Variants in FMNL2 observed in about 807,000 individuals in gnomAD.
The protein encoded by FMNL2 is formin like 2, also known as formin-like protein 2.
A neutral mutation model predicts 130.2 loss-of-function variants in FMNL2; 51 were observed. The ratio of observed to expected loss-of-function variants is 0.39; its 90% CI spans 0.31 to 0.49. FMNL2 has a LOEUF of 0.49. FMNL2 is among the 20% of genes least tolerant of loss of function. The pLI is 0.85. For synonymous variants in FMNL2, 465 were observed against 467.1 expected, an observed-to-expected ratio of 1.00 and a Z score of 0.06; for missense variants, 977 against 1,316.2, an observed-to-expected ratio of 0.74 and a Z score of 3.99.
chr2:152,567,214 T>C lies in FMNL2; in HGVS notation c.596+6179T>C, dbSNP rs182446223. ...CCCAATAGCAAATGCCTTTGACAAA[T>C]GGAATATAATGAAAAATAAGAAAAA... is the stretch of plus-strand genomic sequence containing the variant. On this transcript the variant is annotated intron_variant, in intron 6 of 25. Transcript: ENST00000288670. Among the ~76,000 whole-genome samples the C allele has an allele frequency of 3.3e-4, 51 of 152,258 alleles. 1 individual carries two copies. The highest frequency in any genetic ancestry group is 2.4e-3 in the Admixed American group (36 of 15,282).
intron 1 of FMNL2, among the ~76,000 whole-genome samples, chr2:152,399,446 T>G (rs1053014198): frequency 7.9e-5 from 12 of 152,294 alleles, no homozygotes; most frequent in African/African-American, 2.9e-4. Flanking sequence ...TTATTAAGTA[T>G]TTTCTTCATA....
chr2:152,393,254 A>G (rs1302109797), intron 1 of FMNL2, among the ~76,000 whole-genome samples: 1 of 152,226 alleles, frequency 6.6e-6, no homozygotes, highest in Non-Finnish European at 1.5e-5. Context: ...GTACATGATT[A>G]TAAGATATGT....
intron 9 of FMNL2, among the ~76,000 whole-genome samples, chr2:152,605,942 T>A (rs574289319): frequency 6.6e-6 from 1 of 152,196 alleles, no homozygotes; most frequent in Non-Finnish European, 1.5e-5. Context: ...TTTTGTGAAG[T>A]GAATTTTAAC....
intron 3 of FMNL2, 87 bp downstream of exon 3, chr2:152,542,906 T>C: frequency 7.1e-7 from 1 of 1,411,730 alleles, no homozygotes. Flanking sequence ...TTCCTTCCTC[T>C]GCATTAGAGC....
chr2:152,614,824 C>A, intron 11 of FMNL2, 27 bp from the exon 12 acceptor site: 1 of 1,575,874 alleles, frequency 6.3e-7, no homozygotes, highest in South Asian at 1.2e-5. Context: ...GAGCTAACAC[C>A]ACGTTCTCTC....
chr2:152,601,112 A>G (rs902461652), intron 9 of FMNL2, among the ~76,000 whole-genome samples: 1 of 152,128 alleles, frequency 6.6e-6, no homozygotes, highest in Non-Finnish European at 1.5e-5. Context: ...CAGACAACTA[A>G]GTAAGTATAA....
At chr2:152,495,037 T>TG (rs1432244162) in intron 1 of FMNL2, among the ~76,000 whole-genome samples, 2 of 152,196 alleles carry the variant, frequency 1.3e-5, no homozygotes, top group East Asian at 3.8e-4. Flanking sequence ...AACTTTGCGT[T>TG]GGGGAATACA....
rs151225805 is a variant in FMNL2 at position 152,386,157 on chromosome 2, A to G, written c.117+50437A>G. ...AATGAAATGAGCTTCTCTTTCTCCT[A>G]GCATACCCTGCTGAGATTTATTCCC... On this transcript the variant is annotated intron_variant, in intron 1 of 25. Coordinates refer to ENST00000288670, the MANE Select transcript of FMNL2 (RefSeq NM_052905.4). Among the ~76,000 whole-genome samples the G allele has an allele frequency of 5.9e-3, 896 of 152,328 alleles. 7 individuals carry two copies. The highest frequency in any genetic ancestry group is 0.019 in the African/African-American group (806 of 41,580).
At chr2:152,337,058 T>G (rs1024315917) in intron 1 of FMNL2, among the ~76,000 whole-genome samples, 3 of 152,178 alleles carry the variant, frequency 2.0e-5, no homozygotes, top group African/African-American at 7.2e-5. Context: ...GCAGGTTAGC[T>G]GTGTGCTCTT....
chr2:152,356,076 C>T (rs999191455), intron 1 of FMNL2, among the ~76,000 whole-genome samples: 9 of 152,138 alleles, frequency 5.9e-5, no homozygotes, highest in Non-Finnish European at 1.2e-4. Context: ...ACTTTTGAAT[C>T]TTTATACATT....
At chr2:152,615,144 G>A (rs1698882029) in intron 12 of FMNL2, 144 bp downstream of exon 12, 2 of 865,628 alleles carry the variant, frequency 2.3e-6, no homozygotes, top group African/African-American at 1.8e-5. Context: ...ATCAGAAGCT[G>A]TTCTGTGTTT....
intron 1 of FMNL2, among the ~76,000 whole-genome samples, chr2:152,514,495 C>G (rs2105372089): frequency 6.6e-6 from 1 of 152,268 alleles, no homozygotes; most frequent in Admixed American, 6.5e-5. Context: ...ATTTAACATA[C>G]TGAGTACTTT....
intron 1 of FMNL2, among the ~76,000 whole-genome samples, chr2:152,376,997 G>T (rs1684212044): frequency 6.6e-6 from 1 of 152,214 alleles, no homozygotes; most frequent in East Asian, 1.9e-4. Flanking sequence ...TGGTGGTGTG[G>T]AAACAACCTG....
chr2:152,489,732 T>C (rs1691036240), intron 1 of FMNL2, among the ~76,000 whole-genome samples: 1 of 152,228 alleles, frequency 6.6e-6, no homozygotes. Flanking sequence ...TATACATTGA[T>C]GTTACTTCAT....
At chr2:152,368,541 C>T (rs1683697584) in intron 1 of FMNL2, among the ~76,000 whole-genome samples, 1 of 151,810 alleles carries the variant, frequency 6.6e-6, no homozygotes, top group Non-Finnish European at 1.5e-5. Context: ...AGTACCTCCT[C>T]TCTTTTCTGA....
At chr2:152,397,655 C>CT (rs1355513745) in intron 1 of FMNL2, among the ~76,000 whole-genome samples, 65 of 151,410 alleles carry the variant, frequency 4.3e-4, no homozygotes, top group Non-Finnish European at 6.2e-4. Flanking sequence ...TCTCTTCCTC[C>CT]TTTTTTTTTC....
rs563797540 is a variant in FMNL2 at position 152,618,760 on chromosome 2, T to A, written c.1315-86T>A. ...TCCCATTCATATGAGTATCTTTTTT[T>A]CTCTTTATCCTCAGTTTGCCAATCT... On this transcript the variant is annotated intron_variant, in intron 13 of 25. Transcript: ENST00000288670. The A allele has an allele frequency of 1.1e-5, 13 of 1,203,334 alleles. No homozygotes were observed. In the South Asian group the frequency reaches 2.2e-4, roughly 21 times the overall value. 74.5% of individuals were successfully genotyped at this position (1,203,334 alleles called of 1,614,324 possible).
intron 9 of FMNL2, among the ~76,000 whole-genome samples, chr2:152,592,979 C>T (rs536610064): frequency 6.6e-6 from 1 of 152,218 alleles, no homozygotes; most frequent in South Asian, 2.1e-4. Flanking sequence ...ACTGTTTGTA[C>T]AGGGCCCAGT....
chr2:152,482,416 T>C (rs956705133), intron 1 of FMNL2, among the ~76,000 whole-genome samples: 5 of 152,214 alleles, frequency 3.3e-5, no homozygotes, highest in Admixed American at 2.0e-4. Context: ...GCAAGACTCA[T>C]ACTAGTATAT....
Sources: allele counts gnomAD v4.1 joint callset (sites outside exome capture counted in the v4.1 genomes callset), GRCh38; gene constraint gnomAD v4.1.1; transcripts MANE v1.5; gene names NCBI Gene and HGNC (gene_info 2026-07-23, HGNC 2026-07-21).